ATF7IP: variants seen among roughly 807,000 people sequenced by gnomAD.
ATF7IP encodes the protein activating transcription factor 7-interacting protein 1.
Under a neutral mutation model 106.4 loss-of-function variants are expected in ATF7IP, and 23 were observed. That is an observed-to-expected ratio of 0.22 (90% confidence interval 0.16 to 0.31). ATF7IP has a LOEUF of 0.31. Among genes scored for constraint, ATF7IP ranks in the 10% least tolerant of loss-of-function variants. ATF7IP has a pLI of 1.00. For missense variants in ATF7IP, 1,334 were observed against 1,524.3 expected (o/e 0.88, Z 2.08); for synonymous variants, 542 against 539.0 (o/e 1.01, Z -0.08).
intron 1 of ATF7IP, among the ~76,000 whole-genome samples, chr12:14,396,581 TGAG>T (rs1939856012): frequency 6.6e-6 from 1 of 152,124 alleles, no homozygotes; most frequent in Non-Finnish European, 1.5e-5. Context: ...TGAGGTTGGA[TGAG>T]GAGAAGGTCA....
chr12:14,374,047 G>A (rs1022218792), intron 1 of ATF7IP, among the ~76,000 whole-genome samples: 1 of 148,660 alleles, frequency 6.7e-6, no homozygotes, highest in East Asian at 2.0e-4. Flanking sequence ...TTTTTTCTCT[G>A]TTTATAACTG....
chr12:14,419,770 G>A (rs1941395050), intron 1 of ATF7IP, among the ~76,000 whole-genome samples: 4 of 152,126 alleles, frequency 2.6e-5, no homozygotes, highest in African/African-American at 9.6e-5. Flanking sequence ...GTATAATTTT[G>A]TATTAAGGTT....
chr12:14,471,240 AG>A (rs948346274), intron 10 of ATF7IP, among the ~76,000 whole-genome samples: 2 of 152,202 alleles, frequency 1.3e-5, no homozygotes, highest in African/African-American at 4.8e-5. Context: ...ACACTTGAAA[AG>A]ATTATGCTGC....
chr12:14,462,411 T>A (rs1221250054), intron 9 of ATF7IP, among the ~76,000 whole-genome samples: 1 of 152,074 alleles, frequency 6.6e-6, no homozygotes, highest in East Asian at 1.9e-4. Context: ...TGTCAGATCA[T>A]TTAGTGATGG....
In ATF7IP at chr12:14,427,479, A is replaced by T. The variant is rs147745534; in HGVS notation, c.1558+2006A>T. ...CCGGGTTCAAGTGATTCTCCTCCCC[A>T]CTCCGCCTCCTGCGTAGCTGGGATT... On this transcript the variant is annotated intron_variant, in intron 2 of 14. Coordinates refer to ENST00000261168, the MANE Select transcript of ATF7IP (RefSeq NM_018179.5). 4.5e-3 allele frequency among the ~76,000 whole-genome samples: 673 copies of T among 148,600 alleles called. 3 individuals carry two copies. Among genetic ancestry groups the T allele is most frequent in the East Asian group, 0.015 (77 of 5,040 alleles).
At chr12:14,494,433 A>G (rs906150839) in intron 13 of ATF7IP, among the ~76,000 whole-genome samples, 1 of 144,294 alleles carries the variant, frequency 6.9e-6, no homozygotes, top group African/African-American at 2.5e-5. Context: ...TATTTTATAT[A>G]TTATATATGT....
intron 12 of ATF7IP, among the ~76,000 whole-genome samples, chr12:14,479,773 T>A (rs1362507190): frequency 6.6e-6 from 1 of 151,510 alleles, no homozygotes; most frequent in Non-Finnish European, 1.5e-5. Flanking sequence ...AATGTGCCTA[T>A]GTGACTTTAT....
intron 13 of ATF7IP, among the ~76,000 whole-genome samples, chr12:14,485,938 G>A (rs989713152): frequency 3.7e-4 from 57 of 152,120 alleles, no homozygotes; most frequent in African/African-American, 9.2e-4. Flanking sequence ...CATCTTTCAC[G>A]TCCTTGATGG....
chr12:14,420,026 G>A (rs1339539189), intron 1 of ATF7IP: 4 of 152,124 alleles, frequency 2.6e-5, no homozygotes, highest in Non-Finnish European at 5.9e-5. Context: ...TATTTTATGC[G>A]CTTCAGCCAA....
intron 10 of ATF7IP, among the ~76,000 whole-genome samples, chr12:14,471,726 G>A (rs1422846192): frequency 6.6e-6 from 1 of 152,070 alleles, no homozygotes; most frequent in East Asian, 1.9e-4. Context: ...GATCTTGTGA[G>A]AACTTACTAT....
At chr12:14,451,679 TCTG>T (rs997958308) in intron 6 of ATF7IP, among the ~76,000 whole-genome samples, 1 of 152,196 alleles carries the variant, frequency 6.6e-6, no homozygotes, top group African/African-American at 2.4e-5. Flanking sequence ...CTACTTTTCT[TCTG>T]CTGTTGACGT....
At chr12:14,427,653 C>T (rs1015280609) in intron 2 of ATF7IP, among the ~76,000 whole-genome samples, 2 of 152,140 alleles carry the variant, frequency 1.3e-5, no homozygotes, top group South Asian at 4.1e-4. Flanking sequence ...CGTGAGCCAC[C>T]GCGTCTGGCC....
chr12:14,441,409 T>C (rs1200560161), intron 5 of ATF7IP, among the ~76,000 whole-genome samples: 1 of 152,070 alleles, frequency 6.6e-6, no homozygotes, highest in Non-Finnish European at 1.5e-5. Context: ...TAAAGTCCTT[T>C]GCCCATTTTT....
chr12:14,490,820 T>A (rs1944791572), intron 13 of ATF7IP, among the ~76,000 whole-genome samples: 1 of 152,114 alleles, frequency 6.6e-6, no homozygotes, highest in East Asian at 1.9e-4. Flanking sequence ...ATATACCACT[T>A]CCATTTGATT....
At chr12:14,383,542 T>C (rs1939084908) in intron 1 of ATF7IP, among the ~76,000 whole-genome samples, 1 of 152,126 alleles carries the variant, frequency 6.6e-6, no homozygotes, top group African/African-American at 2.4e-5. Context: ...TTACCAAATC[T>C]TGCTTTTGTT....
At chr12:14,408,116 G>GCGCA (rs1555113731) in intron 1 of ATF7IP, among the ~76,000 whole-genome samples, 16 of 149,096 alleles carry the variant, frequency 1.1e-4, no homozygotes, top group East Asian at 9.9e-4. Flanking sequence ...ATATTGATGT[G>GCGCA]CACACACACA....
Position 14,374,711 on chromosome 12 carries a change from G to A in ATF7IP, c.-8+8884G>A, listed in dbSNP as rs79604733. Among the ~76,000 whole-genome samples the A allele has an allele frequency of 4.7e-3, 715 of 152,222 alleles. 7 individuals are homozygous for A. The highest frequency in any genetic ancestry group is 0.03 in the South Asian group (145 of 4,826). On this transcript the variant is annotated intron_variant, in intron 1 of 14. Transcript: ENST00000261168. ...AATCTTAGAGCCAGAAAGGAAGGTAGTGTGTTAGGAGAACTCTTAATAGCT... is the reference window on the plus strand; with the variant it reads ...AATCTTAGAGCCAGAAAGGAAGGTAATGTGTTAGGAGAACTCTTAATAGCT...
At chr12:14,371,022 AATT>A (rs1489453410) in intron 1 of ATF7IP, among the ~76,000 whole-genome samples, 1 of 151,876 alleles carries the variant, frequency 6.6e-6, no homozygotes, top group Admixed American at 6.6e-5. Flanking sequence ...GGTATCATTA[AATT>A]ATTATATTTT....
At chr12:14,429,283 A>G (rs961231122) in intron 2 of ATF7IP, among the ~76,000 whole-genome samples, 9 of 152,080 alleles carry the variant, frequency 5.9e-5, no homozygotes, top group African/African-American at 1.9e-4. Flanking sequence ...CCTCTTAATA[A>G]CAGTTCTTCC....
Sources: allele counts gnomAD v4.1 joint callset (sites outside exome capture counted in the v4.1 genomes callset), GRCh38; gene constraint gnomAD v4.1.1; transcripts MANE v1.5; gene names NCBI Gene and HGNC (gene_info 2026-07-23, HGNC 2026-07-21).